Variants in RPTOR observed in about 807,000 individuals in gnomAD.
RPTOR encodes regulatory associated protein of MTOR complex 1.
A neutral mutation model predicts 169.9 loss-of-function variants in RPTOR; 21 were observed. The ratio of observed to expected loss-of-function variants is 0.12; its 90% CI spans 0.09 to 0.18. The LOEUF (loss-of-function observed/expected upper bound fraction) is 0.18, where lower values mean the gene tolerates loss of function less well. Ranked by LOEUF, RPTOR falls within the 10% of genes least tolerant of loss-of-function variation. The pLI, the probability that RPTOR is intolerant of heterozygous loss-of-function variation, is 1.00. For missense variants in RPTOR, 1,133 were observed against 1,855.9 expected, an observed-to-expected ratio of 0.61 and a Z score of 7.16; for synonymous variants, 732 against 753.2, an observed-to-expected ratio of 0.97 and a Z score of 0.46.
At chr17:80,630,349 T>C (rs749553901) in intron 2 of RPTOR, among the ~76,000 whole-genome samples, 5 of 152,262 alleles carry the variant, frequency 3.3e-5, no homozygotes, top group Admixed American at 6.5e-5. Flanking sequence ...GTTGTTGTAA[T>C]GGTTATACCC....
rs902755306 is a variant in RPTOR, at chr17:80,964,722, G to A, written c.*392G>A. On this transcript the variant is annotated 3_prime_UTR_variant, in exon 34 of 34. Transcript: ENST00000306801. ...CCGACAGAGCCCTGGCGGAGAGGCA[G>A]GCGCTGGGGCTCCTACGGGTCCCTG... 2 of 285,366 alleles carry A rather than the reference G, an allele frequency of 7.0e-6. No individual in the cohort carries two copies. Among genetic ancestry groups the A allele is most frequent in the Non-Finnish European group, 1.3e-5 (2 of 148,870 alleles). The allele number at this position is 285,366 out of a possible 1,614,324, so 17.7% of individuals were successfully genotyped here.
At chr17:80,556,046 A>G (rs140002015) in intron 1 of RPTOR, among the ~76,000 whole-genome samples, 1 of 144,616 alleles carries the variant, frequency 6.9e-6, no homozygotes, top group Non-Finnish European at 1.5e-5. Flanking sequence ...TCTTAAATCT[A>G]GGTAGATACT....
At chr17:80,715,126 A>G (rs1401194337) in intron 4 of RPTOR, among the ~76,000 whole-genome samples, 1 of 152,276 alleles carries the variant, frequency 6.6e-6, no homozygotes. Flanking sequence ...AAAATAGAGT[A>G]CAGGCAACAG....
intron 3 of RPTOR, among the ~76,000 whole-genome samples, chr17:80,660,426 AGACAGTGATG>A (rs2065713609): frequency 6.6e-6 from 1 of 152,190 alleles, no homozygotes; most frequent in Admixed American, 6.5e-5. Context: ...GTGACATAGA[AGACAGTGATG>A]GATCGTACAA....
At chr17:80,815,797 G>A (rs1423919946) in intron 7 of RPTOR, among the ~76,000 whole-genome samples, 5 of 152,174 alleles carry the variant, frequency 3.3e-5, no homozygotes, top group African/African-American at 2.4e-5. Context: ...AGTCCGTCAC[G>A]TGCAGAGCAT....
chr17:80,919,838 C>T (rs1030847098), intron 21 of RPTOR, among the ~76,000 whole-genome samples: 3 of 152,220 alleles, frequency 2.0e-5, no homozygotes, highest in East Asian at 1.9e-4. Context: ...TTACAGCTGC[C>T]GTCCTCTCTG....
chr17:80,947,327 T>A lies in RPTOR; in HGVS notation c.3241T>A (p.Cys1081Ser). The part of the protein sequence containing the change: ...TAMEYLNGQD[C>S]SLLLTATDDG... The stretch of plus-strand genomic sequence containing the variant: ...CATGGAGTATCTGAACGGCCAGGAC[T>A]GCTCGCTTCTGCTGACGGCCACAGG... The change falls in exon 27 of 34, where the codon TGC becomes AGC. Residue 1081 changes from cysteine to serine, a missense_variant. By Grantham distance (112) the Cys-to-Ser change is moderately radical (BLOSUM62 -1). Transcript: ENST00000306801. The surrounding 1 kb of genome is among the most constrained non-coding windows in gnomAD (Gnocchi z 4.4). The A allele has an allele frequency of 6.3e-7, 1 of 1,579,742 alleles. No individual in the cohort carries two copies. Among genetic ancestry groups the A allele is most frequent in the South Asian group, 1.2e-5 (1 of 85,804 alleles).
rs1198289385 is a variant in RPTOR at position 80,695,578 on chromosome 17, T to C, written c.349-12263T>C. ...GCCTGCCAGCCACCCAGAGCCAGCGTCTTCCCAAGCAGCTGTTTTACAGGA... is the reference window on the plus strand; with the variant it reads ...GCCTGCCAGCCACCCAGAGCCAGCGCCTTCCCAAGCAGCTGTTTTACAGGA... On this transcript the variant is annotated intron_variant, in intron 3 of 33. Coordinates refer to ENST00000306801, the MANE Select transcript of RPTOR (RefSeq NM_020761.3). The surrounding 1 kb of genome is among the most constrained non-coding windows in gnomAD (Gnocchi z 4.9). 6.6e-6 allele frequency among the ~76,000 whole-genome samples: 1 copy of C among 152,182 alleles called. No homozygotes were observed. The highest frequency in any genetic ancestry group is 2.4e-5 in the African/African-American group (1 of 41,452).
At chr17:80,723,497 T>G (rs1278991890) in intron 4 of RPTOR, among the ~76,000 whole-genome samples, 2 of 151,390 alleles carry the variant, frequency 1.3e-5, no homozygotes, top group Non-Finnish European at 2.9e-5. Context: ...CCATTATTAT[T>G]ATCATTATTT....
chr17:80,595,103 A>T (rs1168303342), intron 1 of RPTOR, among the ~76,000 whole-genome samples: 1 of 151,800 alleles, frequency 6.6e-6, no homozygotes, highest in African/African-American at 2.4e-5. Flanking sequence ...AGAGACGGGG[A>T]ATGGGTGGGA....
intron 21 of RPTOR, among the ~76,000 whole-genome samples, chr17:80,918,251 C>T (rs562090388): frequency 6.6e-6 from 1 of 152,220 alleles, no homozygotes; most frequent in Non-Finnish European, 1.5e-5. Flanking sequence ...TGGGCCCCTG[C>T]CCAGCTAGAG....
intron 13 of RPTOR, among the ~76,000 whole-genome samples, chr17:80,858,603 C>T (rs931280276): frequency 2.0e-5 from 3 of 152,214 alleles, no homozygotes; most frequent in African/African-American, 7.2e-5. Flanking sequence ...GCAGGGTCAC[C>T]TCCTGCAGGA....
At chr17:80,764,068 C>A (rs1335230938) in intron 6 of RPTOR, among the ~76,000 whole-genome samples, 2 of 151,746 alleles carry the variant, frequency 1.3e-5, no homozygotes, top group Non-Finnish European at 2.9e-5. Flanking sequence ...AGCAGAGAAA[C>A]CTAAAATCTC....
chr17:80,891,923 A>G (rs2068330046), intron 18 of RPTOR, 86 bp downstream of exon 18: 1 of 888,122 alleles, frequency 1.1e-6, no homozygotes, highest in Non-Finnish European at 1.8e-6. Context: ...TCACCCTCGC[A>G]GAGTCTAAGC....
At chr17:80,870,503 C>T (rs2068040390) in intron 13 of RPTOR, among the ~76,000 whole-genome samples, 1 of 152,256 alleles carries the variant, frequency 6.6e-6, no homozygotes, top group Non-Finnish European at 1.5e-5. Context: ...CTTTTCCCCA[C>T]TCCCCCTTCC....
At chr17:80,747,990 C>T (rs951380642) in intron 5 of RPTOR, among the ~76,000 whole-genome samples, 30 of 148,412 alleles carry the variant, frequency 2.0e-4, no homozygotes, top group Admixed American at 1.9e-3. Context: ...GAGGCCGTGG[C>T]GGGAGGACCT....
chr17:80,711,109 G>A (rs2066186182), intron 4 of RPTOR, among the ~76,000 whole-genome samples: 1 of 152,136 alleles, frequency 6.6e-6, no homozygotes, highest in African/African-American at 2.4e-5. Context: ...TTCCCGATGT[G>A]TTGACATAAA....
intron 9 of RPTOR, among the ~76,000 whole-genome samples, chr17:80,830,701 T>TTGAGGTGAGATC (rs2067494346): frequency 3.3e-5 from 5 of 152,048 alleles, no homozygotes; most frequent in African/African-American, 1.2e-4. Flanking sequence ...GCAGGTGCAC[T>TTGAGGTGAGATC]GCTCCTCAGG....
intron 13 of RPTOR, among the ~76,000 whole-genome samples, chr17:80,872,669 C>T (rs2068064112): frequency 6.6e-6 from 1 of 152,306 alleles, no homozygotes. Context: ...GAGAGGAACC[C>T]GGAGGGGGCT....
Sources: gnomAD v4.1 joint callset for allele counts (sites outside exome capture counted in the v4.1 genomes callset) on GRCh38, gnomAD v4.1.1 for gene constraint, Gnocchi (gnomAD v3.1) non-coding constraint, MANE v1.5 for transcripts, NCBI Gene and HGNC (gene_info 2026-07-23, HGNC 2026-07-21) for gene names.